Variants in MPC1 observed in about 807,000 individuals in gnomAD.
The protein encoded by MPC1 is HSPC040 protein.
Under a neutral mutation model 13.9 loss-of-function variants are expected in MPC1, and 6 were observed. That is an observed-to-expected ratio of 0.43 (90% CI 0.24 to 0.85). The LOEUF (loss-of-function observed/expected upper bound fraction) is 0.85. MPC1 is among the 40% of genes least tolerant of loss of function. MPC1 has a pLI of 0.24. For missense variants in MPC1, 115 were observed against 143.3 expected (o/e 0.80, Z 1.01); for synonymous variants, 47 against 50.5 (o/e 0.93, Z 0.29).
chr6:166,380,939 CAAAAAAA>C (rs1175434820), intron 1 of MPC1, among the ~76,000 whole-genome samples: 172 of 47,718 alleles, frequency 3.6e-3, no homozygotes, highest in Non-Finnish European at 6.3e-3. Context: ...AACTCTGTCT[CAAAAAAA>C]AAAAAAAAAA....
At chr6:166,377,245 G>A (rs950609976) in intron 1 of MPC1, among the ~76,000 whole-genome samples, 1 of 151,398 alleles carries the variant, frequency 6.6e-6, no homozygotes, top group Non-Finnish European at 1.5e-5. Flanking sequence ...AGCTGGTGCT[G>A]CTGCTGCCCA....
chr6:166,375,895 T>C (rs1779551632), intron 1 of MPC1, among the ~76,000 whole-genome samples: 1 of 152,230 alleles, frequency 6.6e-6, no homozygotes, highest in Admixed American at 6.5e-5. Context: ...GTTCATCATA[T>C]CCAGTTGATT....
chr6:166,378,168 A>C (rs1779636977), intron 1 of MPC1, among the ~76,000 whole-genome samples: 1 of 152,188 alleles, frequency 6.6e-6, no homozygotes, highest in African/African-American at 2.4e-5. Context: ...AATATTCCAC[A>C]AGTTTGGGAA....
chr6:166,366,223 G>C, intron 3 of MPC1, 117 bp from the exon 4 acceptor site: 1 of 1,175,022 alleles, frequency 8.5e-7, no homozygotes. Context: ...TTCTGCGAAA[G>C]CCTTTGACAG....
At chr6:166,366,151 T>G in intron 3 of MPC1, 45 bp from the exon 4 acceptor site, 3 of 1,596,348 alleles carry the variant, frequency 1.9e-6, no homozygotes, top group Non-Finnish European at 2.6e-6. Flanking sequence ...CTTAGAAAAC[T>G]GAGAGGGTTG....
chr6:166,365,485 G>A lies in MPC1; in HGVS notation c.306-32C>T, dbSNP rs1010399226. ...AGAAACAAAAAGAAAAATTCAATGA[G>A]AAACAAAATTTCAATGCCAATCGCA... On this transcript the variant is annotated intron_variant, in intron 4 of 4. Coordinates refer to ENST00000360961, the MANE Select transcript of MPC1 (RefSeq NM_016098.4). The surrounding 1 kb of genome is among the most constrained non-coding windows in gnomAD (Gnocchi z 4.2). 2 of 1,554,362 alleles carry A rather than the reference G, an allele frequency of 1.3e-6. No individual in the cohort carries two copies. The highest frequency in any genetic ancestry group is 1.9e-5 in the Admixed American group (1 of 52,630).
chr6:166,373,205 A>T (rs1779443817), intron 1 of MPC1, among the ~76,000 whole-genome samples: 2 of 152,192 alleles, frequency 1.3e-5, no homozygotes, highest in African/African-American at 4.8e-5. Context: ...AGTGCTGTAC[A>T]TCGTGTGGGT....
chr6:166,378,921 A>G (rs1331017840), intron 1 of MPC1, among the ~76,000 whole-genome samples: 1 of 152,260 alleles, frequency 6.6e-6, no homozygotes, highest in Admixed American at 6.5e-5. Flanking sequence ...CAAGCTCACA[A>G]AGCTGGAAAG....
chr6:166,372,683 A>G (rs899732631), intron 1 of MPC1, among the ~76,000 whole-genome samples: 3 of 152,174 alleles, frequency 2.0e-5, no homozygotes, highest in Admixed American at 6.5e-5. Context: ...TCTGAAAAGC[A>G]TATTTGTGCA....
At chr6:166,366,258 G>GT (rs1779149132) in intron 3 of MPC1, 152 bp from the exon 4 acceptor site, 1 of 821,498 alleles carries the variant, frequency 1.2e-6, no homozygotes, top group Non-Finnish European at 1.7e-6. Flanking sequence ...TTAAATGCCT[G>GT]TATCAATAGG....
chr6:166,374,048 A>G (rs981523880), intron 1 of MPC1, among the ~76,000 whole-genome samples: 2 of 151,832 alleles, frequency 1.3e-5, no homozygotes, highest in African/African-American at 4.8e-5. Context: ...GTGCAGTGGC[A>G]TGATCTTGGC....
intron 2 of MPC1, chr6:166,368,728 C>A: frequency 3.1e-6 from 3 of 982,638 alleles, no homozygotes; most frequent in Non-Finnish European, 3.6e-6. Context: ...CCCTTACCTA[C>A]TTACTTCTTT....
At chr6:166,372,971 T>G (rs1779433196) in intron 1 of MPC1, among the ~76,000 whole-genome samples, 1 of 152,210 alleles carries the variant, frequency 6.6e-6, no homozygotes, top group African/African-American at 2.4e-5. Context: ...AAATTAAGTA[T>G]TCTGTTTTTT....
chr6:166,373,110 C>T (rs1050787399), intron 1 of MPC1, among the ~76,000 whole-genome samples: 3 of 152,142 alleles, frequency 2.0e-5, no homozygotes, highest in African/African-American at 7.2e-5. Context: ...CATCCCCCGC[C>T]CATGGTGTAT....
chr6:166,376,317 TA>T, intron 1 of MPC1, among the ~76,000 whole-genome samples: 1 of 152,184 alleles, frequency 6.6e-6, no homozygotes, highest in East Asian at 1.9e-4. Flanking sequence ...GCCAATGGTG[TA>T]ACTCAGTCCG....
At chr6:166,368,540 C>T (rs549646243) in intron 2 of MPC1, among the ~76,000 whole-genome samples, 3 of 121,486 alleles carry the variant, frequency 2.5e-5, no homozygotes, top group African/African-American at 3.3e-5. Context: ...GGTGACAGAG[C>T]GAGACTCCGT....
At chr6:166,377,511 AT>A (rs1025150172) in intron 1 of MPC1, among the ~76,000 whole-genome samples, 143 of 152,340 alleles carry the variant, frequency 9.4e-4, no homozygotes, top group African/African-American at 3.3e-3. Flanking sequence ...ACTGAGAGCA[AT>A]TTAAGTAATT....
intron 1 of MPC1, 78 bp from the exon 2 acceptor site, chr6:166,370,299 C>T (rs1193947630): frequency 1.4e-6 from 1 of 692,944 alleles, no homozygotes; most frequent in Non-Finnish European, 2.6e-6. Flanking sequence ...TGATTTTGGT[C>T]TTATTAGGTT....
At position 166,366,107 on chromosome 6, in the gene MPC1, C is replaced by A. The variant is rs2114941527; in HGVS notation, c.173-1G>T. 1.2e-6 allele frequency: 2 copies of A among 1,612,762 alleles called. No individual in the cohort carries two copies. The highest frequency in any genetic ancestry group is 2.2e-5 in the East Asian group (1 of 44,840). ...AATGTCAAAGAATAGCAACAGAGGG[C>A]TGCCAAAAATAGCAGAGCAAAGACA... is the stretch of plus-strand genomic sequence containing the variant. On this transcript the variant is annotated splice_acceptor_variant, in intron 3 of 4. Coordinates refer to ENST00000360961, the MANE Select transcript of MPC1 (RefSeq NM_016098.4). LOFTEE classifies it high-confidence loss of function.
Sources: gnomAD v4.1 joint callset for allele counts (sites outside exome capture counted in the v4.1 genomes callset) on GRCh38, gnomAD v4.1.1 for gene constraint, Gnocchi (gnomAD v3.1) non-coding constraint, MANE v1.5 for transcripts, NCBI Gene and HGNC (gene_info 2026-07-23, HGNC 2026-07-21) for gene names.